Variants in MPP7 observed in about 807,000 individuals in gnomAD.
The protein encoded by MPP7 is MAGUK p55 subfamily member 7.
MPP7 carries 60 observed loss-of-function variants against 76.5 expected under a neutral mutation model. The observed-to-expected ratio is 0.78, with a 90% confidence interval of 0.64 to 0.97. MPP7 has a LOEUF of 0.97. Ranked by LOEUF, MPP7 falls within the 50% of genes least tolerant of loss-of-function variation. The pLI is 0.00. For missense variants in MPP7, 641 were observed against 694.0 expected, an observed-to-expected ratio of 0.92 and a Z score of 0.86; for synonymous variants, 237 against 244.5, an observed-to-expected ratio of 0.97 and a Z score of 0.29.
chr10:28,224,614 A>G (rs897011264), intron 2 of MPP7, among the ~76,000 whole-genome samples: 15 of 152,160 alleles, frequency 9.9e-5, no homozygotes, highest in African/African-American at 2.9e-4. Flanking sequence ...AGTTCTGATC[A>G]TTTTTGCTAC....
At position 28,209,073 on chromosome 10, in the gene MPP7, A is replaced by C. The variant is rs188197774; in HGVS notation, c.38-6802T>G. Among the ~76,000 whole-genome samples the C allele has an allele frequency of 4.4e-3, 663 of 151,926 alleles. 5 individuals are homozygous for C. Among genetic ancestry groups the C allele is most frequent in the African/African-American group, 0.016 (642 of 41,416 alleles). On this transcript the variant is annotated intron_variant, in intron 2 of 16. Coordinates refer to ENST00000683449, the MANE Select transcript of MPP7 (RefSeq NM_001318170.2). ...TGCTCCCCATTCACCTTCCACCACTATTGTAAGCTTCCTGAGGCCTCCTCA... is the reference window on the plus strand; with the variant it reads ...TGCTCCCCATTCACCTTCCACCACTCTTGTAAGCTTCCTGAGGCCTCCTCA...
chr10:28,279,237 G>A (rs998576863), intron 1 of MPP7, among the ~76,000 whole-genome samples: 4 of 152,158 alleles, frequency 2.6e-5, no homozygotes, highest in Admixed American at 1.3e-4. Context: ...GAAGGACGAA[G>A]CTACTAAAAG....
At chr10:28,077,526 A>C (rs1829873104) in intron 12 of MPP7, among the ~76,000 whole-genome samples, 1 of 152,112 alleles carries the variant, frequency 6.6e-6, no homozygotes, top group African/African-American at 2.4e-5. Flanking sequence ...CACAGCTCAG[A>C]TGCACCATCC....
intron 2 of MPP7, among the ~76,000 whole-genome samples, chr10:28,211,611 T>C (rs895701686): frequency 6.6e-6 from 1 of 152,096 alleles, no homozygotes; most frequent in African/African-American, 2.4e-5. Flanking sequence ...AGGAAATGTA[T>C]TCACATTGAG....
intron 7 of MPP7, among the ~76,000 whole-genome samples, chr10:28,124,466 ATT>A (rs5784042): frequency 3.7e-5 from 3 of 80,082 alleles, no homozygotes; most frequent in African/African-American, 5.0e-5. Context: ...AAGAAACAAG[ATT>A]TTTTTTTTTT....
At chr10:28,246,190 C>A (rs2132812571) in intron 1 of MPP7, among the ~76,000 whole-genome samples, 1 of 152,134 alleles carries the variant, frequency 6.6e-6, no homozygotes, top group African/African-American at 2.4e-5. Context: ...CAGAGAGAAT[C>A]TTGAAAGCAG....
chr10:28,288,234 T>G (rs1447036892), intron 1 of MPP7, among the ~76,000 whole-genome samples: 1 of 152,118 alleles, frequency 6.6e-6, no homozygotes, highest in Non-Finnish European at 1.5e-5. Context: ...AAAGGGTTAT[T>G]ATGTTTTGAT....
chr10:28,155,220 T>C (rs1836012619), intron 3 of MPP7, among the ~76,000 whole-genome samples: 1 of 152,146 alleles, frequency 6.6e-6, no homozygotes, highest in African/African-American at 2.4e-5. Flanking sequence ...TTTGCATGCA[T>C]TTTCTAGGAA....
chr10:28,180,945 T>C (rs1247003239), intron 3 of MPP7, among the ~76,000 whole-genome samples: 2 of 152,218 alleles, frequency 1.3e-5, no homozygotes, highest in Non-Finnish European at 2.9e-5. Flanking sequence ...CAATCTTACA[T>C]GTACCTGTAA....
In MPP7 at chr10:28,251,225, G is replaced by A. The variant is rs187850857; in HGVS notation, c.-131-12490C>T. Among the ~76,000 whole-genome samples the A allele has an allele frequency of 2.3e-3, 346 of 152,332 alleles. 1 individual carries two copies. Among genetic ancestry groups the A allele is most frequent in the Non-Finnish European group, 4.3e-3 (290 of 68,030 alleles). On this transcript the variant is annotated intron_variant, in intron 1 of 16. Coordinates refer to ENST00000683449, the MANE Select transcript of MPP7 (RefSeq NM_001318170.2). The stretch of plus-strand genomic sequence containing the variant: ...CAAGCCTGTAACACCAGCACTTCGG[G>A]AGGCCGAGGTGGGCAGATCACTTGA...
At chr10:28,173,855 A>G (rs550339131) in intron 3 of MPP7, among the ~76,000 whole-genome samples, 9 of 152,358 alleles carry the variant, frequency 5.9e-5, no homozygotes, top group African/African-American at 2.2e-4. Flanking sequence ...TATAAGACTC[A>G]GTATTGTAAA....
intron 3 of MPP7, among the ~76,000 whole-genome samples, chr10:28,192,051 G>A (rs1837428792): frequency 6.6e-6 from 1 of 151,702 alleles, no homozygotes; most frequent in Non-Finnish European, 1.5e-5. Context: ...TTGAACCCCA[G>A]AGGCAGCCTG....
intron 1 of MPP7, among the ~76,000 whole-genome samples, chr10:28,288,819 G>C (rs1840845332): frequency 1.3e-5 from 2 of 152,132 alleles, no homozygotes; most frequent in South Asian, 4.1e-4. Context: ...AAGCTCAGCA[G>C]AGCCCAATGT....
At chr10:28,092,377 A>G (rs571472267) in intron 11 of MPP7, among the ~76,000 whole-genome samples, 15 of 152,340 alleles carry the variant, frequency 9.8e-5, no homozygotes, top group African/African-American at 3.6e-4. Context: ...ATAAGACAAG[A>G]GATGACATCT....
At chr10:28,233,314 A>T (rs1318312613) in intron 2 of MPP7, among the ~76,000 whole-genome samples, 1 of 152,220 alleles carries the variant, frequency 6.6e-6, no homozygotes, top group African/African-American at 2.4e-5. Flanking sequence ...GTTACAGATG[A>T]TTACACATTG....
chr10:28,150,175 TTA>T lies in MPP7; in HGVS notation c.157-118_157-117del, dbSNP rs1408668779. ...CCTTGAATATCCTAAAGTTATATGT[TTA>T]TGACATATTACACACATGTAATATG... is the stretch of plus-strand genomic sequence containing the variant. On this transcript the variant is annotated intron_variant, in intron 3 of 16. Coordinates refer to ENST00000683449, the MANE Select transcript of MPP7 (RefSeq NM_001318170.2). 6.0e-5 allele frequency: 42 copies of T among 700,124 alleles called. 1 individual carries two copies. The highest frequency in any genetic ancestry group is 4.3e-4 in the African/African-American group (24 of 56,402). The allele number at this position is 700,124 out of a possible 1,614,324, so 43.4% of individuals were successfully genotyped here.
At position 28,099,456 on chromosome 10, in the gene MPP7, T is replaced by C. The variant is rs1398802741; in HGVS notation, c.953-9615A>G. On this transcript the variant is annotated intron_variant, in intron 11 of 16. Transcript: ENST00000683449. Reference sequence around the variant, plus strand: ...GTTGATAGCATGGGAAAAGAGGTCCTAGTGAAATAGTCTTGACTCATAACA... The same window carrying C: ...GTTGATAGCATGGGAAAAGAGGTCCCAGTGAAATAGTCTTGACTCATAACA... Among the ~76,000 whole-genome samples the C allele has an allele frequency of 2.0e-5, 3 of 152,308 alleles. No individual in the cohort carries two copies. In the South Asian group the frequency reaches 6.2e-4, roughly 32 times the overall value.
chr10:28,329,108 C>T (rs908199066), intron 2 of MPP7, among the ~76,000 whole-genome samples: 3 of 152,152 alleles, frequency 2.0e-5, no homozygotes, highest in Non-Finnish European at 2.9e-5. Flanking sequence ...ACCTCCTTGC[C>T]TTCAATTGAT....
At position 28,056,454 on chromosome 10, in the gene MPP7, T is replaced by C. The variant is rs752811544; in HGVS notation, c.1551+26A>G. On this transcript the variant is annotated intron_variant, in intron 16 of 16. Coordinates refer to ENST00000683449, the MANE Select transcript of MPP7 (RefSeq NM_001318170.2). ...GATTACAGGTGTGGGCCACCACACC[T>C]GGCCCCCAAGCATCATTATACTTAC... 17 of 1,601,928 alleles carry C rather than the reference T, an allele frequency of 1.1e-5. 1 individual carries two copies. The highest frequency in any genetic ancestry group is 3.3e-4 in the Middle Eastern group (2 of 6,024).
Sources: allele counts gnomAD v4.1 joint callset (sites outside exome capture counted in the v4.1 genomes callset), GRCh38; gene constraint gnomAD v4.1.1; transcripts MANE v1.5; gene names NCBI Gene and HGNC (gene_info 2026-07-23, HGNC 2026-07-21).